Variants in ADAMTS9 observed in about 807,000 individuals in gnomAD.
The protein encoded by ADAMTS9 is A disintegrin and metalloproteinase with thrombospondin motifs 9.
Under a neutral mutation model 257.1 loss-of-function variants are expected in ADAMTS9, and 107 were observed. The ratio of observed to expected loss-of-function variants is 0.42; its 90% CI spans 0.36 to 0.49. ADAMTS9 has a LOEUF of 0.49. Ranked by LOEUF, ADAMTS9 falls within the 20% of genes least tolerant of loss-of-function variation. ADAMTS9 has a pLI of 0.03. For missense variants in ADAMTS9, 2,353 were observed against 2,469.1 expected (o/e 0.95, Z 1.00); for synonymous variants, 982 against 880.9 (o/e 1.11, Z -2.03).
intron 12 of ADAMTS9, among the ~76,000 whole-genome samples, chr3:64,635,739 T>C (rs986194687): frequency 6.6e-6 from 1 of 152,222 alleles, no homozygotes; most frequent in Non-Finnish European, 1.5e-5. Context: ...ATTATCCATA[T>C]GCTGTGTTTC....
intron 8 of ADAMTS9, among the ~76,000 whole-genome samples, chr3:64,651,706 T>C (rs1700935677): frequency 6.6e-6 from 1 of 152,112 alleles, no homozygotes; most frequent in Admixed American, 6.5e-5. Context: ...CATGCAAAGT[T>C]TGTGCACAAT....
At chr3:64,608,516 T>G (rs2084605992) in intron 22 of ADAMTS9, among the ~76,000 whole-genome samples, 1 of 151,968 alleles carries the variant, frequency 6.6e-6, no homozygotes, top group African/African-American at 2.4e-5. Context: ...TGCCAATATA[T>G]TAGAGAATCT....
chr3:64,616,145 A>G lies in ADAMTS9; in HGVS notation c.2839T>C (p.Cys947Arg). 1.2e-6 allele frequency: 2 copies of G among 1,614,106 alleles called. No individual in the cohort carries two copies. Among genetic ancestry groups the G allele is most frequent in the Non-Finnish European group, 1.7e-6 (2 of 1,179,962 alleles). The stretch of plus-strand genomic sequence containing the variant: ...TAACCCAAGCCACACTGGGCACTAC[A>G]TTCACTCCTGCTGGCAACATGCCAC... Reference protein sequence around the residue: ...LRWHVASRSECSAQCGLGYRT... With the variant: ...LRWHVASRSERSAQCGLGYRT... The change falls in exon 20 of 40, where the codon TGT becomes CGT. Residue 947 changes from cysteine to arginine, a missense_variant. Around this residue, in one of 3 missense-constraint regions of ADAMTS9, gnomAD observed 1,402 missense variants for 1,441.4 expected, o/e 0.97. Transcript: ENST00000498707.
rs529468313 is a variant in ADAMTS9 at position 64,659,123 on chromosome 3, A to T, written c.680-332T>A. Among the ~76,000 whole-genome samples, 5 of 152,310 alleles carry T rather than the reference A, an allele frequency of 3.3e-5. No individual in the cohort carries two copies. The South Asian group carries it at 1.0e-3, about 32-fold the overall frequency. On this transcript the variant is annotated intron_variant, in intron 3 of 39. Coordinates refer to ENST00000498707, the MANE Select transcript of ADAMTS9 (RefSeq NM_182920.2). ...TTCAAGGAATCTCACGCTCACTGTT[A>T]TTTGCCATAGATATAGTAAGGGCCA...
intron 16 of ADAMTS9, among the ~76,000 whole-genome samples, chr3:64,623,983 C>G (rs753904771): frequency 2.6e-5 from 4 of 151,286 alleles, no homozygotes; most frequent in Non-Finnish European, 4.4e-5. Flanking sequence ...AAATGAGAAC[C>G]TGGCAGAGTT....
At chr3:64,572,336 A>C (rs1205128548) in intron 28 of ADAMTS9, among the ~76,000 whole-genome samples, 1 of 152,116 alleles carries the variant, frequency 6.6e-6, no homozygotes, top group Non-Finnish European at 1.5e-5. Context: ...AAATCCTTGC[A>C]TTTCAATTCA....
chr3:64,534,616 C>G (rs2083023718), intron 37 of ADAMTS9, among the ~76,000 whole-genome samples: 1 of 152,170 alleles, frequency 6.6e-6, no homozygotes, highest in Non-Finnish European at 1.5e-5. Flanking sequence ...TAAATATTGA[C>G]TAACAAAAGT....
chr3:64,667,170 T>C, intron 3 of ADAMTS9, among the ~76,000 whole-genome samples: 1 of 152,314 alleles, frequency 6.6e-6, no homozygotes, highest in Middle Eastern at 3.4e-3. Context: ...CTTTATAAAC[T>C]ATGTTTCCAT....
At chr3:64,682,320 C>T (rs969981213) in intron 2 of ADAMTS9, among the ~76,000 whole-genome samples, 2 of 152,184 alleles carry the variant, frequency 1.3e-5, no homozygotes, top group African/African-American at 4.8e-5. Context: ...CTTGCAAAGG[C>T]TTAGAACTCG....
intron 25 of ADAMTS9, among the ~76,000 whole-genome samples, chr3:64,603,308 A>C (rs566269391): frequency 2.0e-5 from 3 of 152,296 alleles, no homozygotes; most frequent in South Asian, 4.1e-4. Flanking sequence ...TGAGATATTA[A>C]TCTCCATTCT....
At chr3:64,607,174 T>G in intron 22 of ADAMTS9, 95 bp from the exon 23 acceptor site, 1 of 1,535,886 alleles carries the variant, frequency 6.5e-7, no homozygotes, top group Non-Finnish European at 8.8e-7. Context: ...AATACTTCCA[T>G]CACAGTAGGC....
At position 64,631,448 on chromosome 3, in the gene ADAMTS9, A is replaced by T. The variant is rs201398173; in HGVS notation, c.2389+7T>A. On this transcript the variant is annotated splice_region_variant and intron_variant, in intron 16 of 39. Transcript: ENST00000498707. ...GAACTCGCAAGTAGTGAGGCATCCC[A>T]TCTCACCTAAGTAGTTGTCATCGTC... 2 of 1,611,470 alleles carry T rather than the reference A, an allele frequency of 1.2e-6. No individual in the cohort carries two copies. Among genetic ancestry groups the T allele is most frequent in the Middle Eastern group, 1.7e-4 (1 of 6,048 alleles).
chr3:64,561,806 G>C (rs1442663020), intron 29 of ADAMTS9, 55 bp from the exon 30 acceptor site: 2 of 940,638 alleles, frequency 2.1e-6, no homozygotes, highest in Non-Finnish European at 3.3e-6. Context: ...TTTTGGGGGG[G>C]CGGGGGGTGT....
intron 3 of ADAMTS9, among the ~76,000 whole-genome samples, chr3:64,664,686 T>C (rs1272494342): frequency 1.3e-5 from 2 of 152,206 alleles, no homozygotes; most frequent in Non-Finnish European, 2.9e-5. Context: ...GGTGGACATT[T>C]GGGTGGACAT....
chr3:64,560,726 C>A (rs72885586), intron 30 of ADAMTS9, among the ~76,000 whole-genome samples: 1,650 of 152,284 alleles, frequency 0.011, 25 homozygotes, highest in African/African-American at 0.038. Context: ...TAACTGTTCT[C>A]CAAACCATAC....
At chr3:64,664,847 A>C (rs1701313627) in intron 3 of ADAMTS9, among the ~76,000 whole-genome samples, 1 of 152,142 alleles carries the variant, frequency 6.6e-6, no homozygotes, top group Non-Finnish European at 1.5e-5. Context: ...AGAACTGCCA[A>C]ATTGTTTTCC....
intron 38 of ADAMTS9, among the ~76,000 whole-genome samples, chr3:64,523,962 G>A (rs894303712): frequency 3.3e-5 from 5 of 152,106 alleles, no homozygotes; most frequent in African/African-American, 1.2e-4. Context: ...GTTTCTCAAT[G>A]GATTGTACCT....
intron 29 of ADAMTS9, among the ~76,000 whole-genome samples, chr3:64,562,756 A>C (rs2083450232): frequency 2.0e-5 from 3 of 152,230 alleles, no homozygotes; most frequent in Non-Finnish European, 4.4e-5. Context: ...AAATAATAGA[A>C]TCATGACCTT....
At position 64,639,806 on chromosome 3, in the gene ADAMTS9, T is replaced by C. The variant is rs1006679651; in HGVS notation, c.1856+2042A>G. On this transcript the variant is annotated intron_variant, in intron 12 of 39. Coordinates refer to ENST00000498707, the MANE Select transcript of ADAMTS9 (RefSeq NM_182920.2). The stretch of plus-strand genomic sequence containing the variant: ...CAACAATACAAGCAACAAGGATGCA[T>C]AGCTGAGTTTAAAAAGCAGTACCAG... Among the ~76,000 whole-genome samples, 4 of 152,190 alleles carry C rather than the reference T, an allele frequency of 2.6e-5. No homozygotes were observed. In the East Asian group the frequency reaches 5.8e-4, roughly 22 times the overall value.
Sources: gnomAD v4.1 joint callset for allele counts (sites outside exome capture counted in the v4.1 genomes callset) on GRCh38, gnomAD v4.1.1 for gene constraint, gnomAD v4.1.1 regional missense constraint, MANE v1.5 for transcripts, NCBI Gene and HGNC (gene_info 2026-07-23, HGNC 2026-07-21) for gene names.